Variants in SIL1 observed in about 807,000 individuals in gnomAD.
SIL1 encodes the protein nucleotide exchange factor SIL1.
A neutral mutation model predicts 49.1 loss-of-function variants in SIL1; 40 were observed. That is an observed-to-expected ratio of 0.81 (90% CI 0.63 to 1.06). The LOEUF (loss-of-function observed/expected upper bound fraction) is 1.06, where lower values mean the gene tolerates loss of function less well. Among genes scored for constraint, SIL1 ranks in the 50% least tolerant of loss-of-function variants. SIL1 has a pLI of 0.00. For missense variants in SIL1, 500 were observed against 572.6 expected, an observed-to-expected ratio of 0.87 and a Z score of 1.29; for synonymous variants, 253 against 250.8, an observed-to-expected ratio of 1.01 and a Z score of -0.08.
chr5:139,111,656 G>A (rs1248892210), intron 3 of SIL1, among the ~76,000 whole-genome samples: 1 of 152,206 alleles, frequency 6.6e-6, no homozygotes, highest in Non-Finnish European at 1.5e-5. Flanking sequence ...AAATGAACAA[G>A]TTTTTTGATA....
At chr5:139,002,543 T>C (rs749433206) in intron 7 of SIL1, among the ~76,000 whole-genome samples, 2 of 152,178 alleles carry the variant, frequency 1.3e-5, no homozygotes, top group African/African-American at 2.4e-5. Flanking sequence ...ATAAACATTT[T>C]AAACTTCCAT....
At chr5:139,131,272 A>C (rs554706726) in intron 1 of SIL1, among the ~76,000 whole-genome samples, 1 of 152,280 alleles carries the variant, frequency 6.6e-6, no homozygotes, top group African/African-American at 2.4e-5. Context: ...GCACCTCTGA[A>C]GAATGCGGTG....
intron 3 of SIL1, among the ~76,000 whole-genome samples, chr5:139,068,902 T>C (rs1045090615): frequency 6.6e-6 from 1 of 152,190 alleles, no homozygotes; most frequent in African/African-American, 2.4e-5. Flanking sequence ...TGTAACTTCC[T>C]GTTTCAAAAT....
At chr5:139,087,168 A>T (rs985749999) in intron 3 of SIL1, among the ~76,000 whole-genome samples, 13 of 151,384 alleles carry the variant, frequency 8.6e-5, no homozygotes, top group African/African-American at 2.9e-4. Flanking sequence ...CTCATACTCC[A>T]CTCTTCAGGC....
chr5:139,069,932 C>G (rs1769793429), intron 3 of SIL1, among the ~76,000 whole-genome samples: 1 of 152,056 alleles, frequency 6.6e-6, no homozygotes, highest in South Asian at 2.1e-4. Flanking sequence ...ACAAAGTTAA[C>G]ATACAAAAAC....
At chr5:139,038,247 T>C (rs976953998) in intron 5 of SIL1, among the ~76,000 whole-genome samples, 4 of 152,232 alleles carry the variant, frequency 2.6e-5, no homozygotes, top group Non-Finnish European at 5.9e-5. Context: ...TTGTCCTGGT[T>C]CTTGGTATGA....
At chr5:139,005,003 T>C (rs1561823948) in intron 7 of SIL1, among the ~76,000 whole-genome samples, 1 of 152,060 alleles carries the variant, frequency 6.6e-6, no homozygotes, top group Non-Finnish European at 1.5e-5. Flanking sequence ...TATTGAGATG[T>C]TGGTCAAAGG....
intron 3 of SIL1, among the ~76,000 whole-genome samples, chr5:139,089,319 C>T (rs1157898124): frequency 1.3e-5 from 2 of 152,194 alleles, no homozygotes; most frequent in Non-Finnish European, 2.9e-5. Flanking sequence ...TTCCCTTGAA[C>T]TTCTGACTCT....
chr5:139,048,383 T>TG (rs1168260137), intron 4 of SIL1, among the ~76,000 whole-genome samples: 2 of 144,730 alleles, frequency 1.4e-5, no homozygotes, highest in African/African-American at 5.1e-5. Flanking sequence ...TTTTTTTTTT[T>TG]TTTTTTTTTT....
At chr5:139,016,867 G>A (rs1459489327) in intron 7 of SIL1, 1 of 150,304 alleles carries the variant, frequency 6.7e-6, no homozygotes, top group Admixed American at 6.6e-5. Context: ...TTTCCCCCCT[G>A]ACAGGGCCTC....
chr5:138,992,756 T>A (rs1220631169), intron 7 of SIL1, among the ~76,000 whole-genome samples: 1 of 152,026 alleles, frequency 6.6e-6, no homozygotes, highest in African/African-American at 2.4e-5. Flanking sequence ...ACTACACACA[T>A]TGGGTATAGT....
chr5:139,061,831 T>C (rs566882472), intron 3 of SIL1, among the ~76,000 whole-genome samples: 2 of 152,250 alleles, frequency 1.3e-5, no homozygotes, highest in African/African-American at 4.8e-5. Flanking sequence ...CAGGAACCAA[T>C]TATTGGTGCC....
intron 3 of SIL1, among the ~76,000 whole-genome samples, chr5:139,060,964 A>ACAGGAGG (rs1193134604): frequency 1.3e-5 from 2 of 152,206 alleles, no homozygotes; most frequent in African/African-American, 4.8e-5. Context: ...TCAAATGCCC[A>ACAGGAGG]CAGGAGGCAG....
At chr5:139,081,937 G>T (rs964836188) in intron 3 of SIL1, among the ~76,000 whole-genome samples, 3 of 151,884 alleles carry the variant, frequency 2.0e-5, no homozygotes, top group African/African-American at 7.3e-5. Context: ...CATTCTCATT[G>T]CAGCCTAGTA....
chr5:138,985,380 C>T (rs1052383460), intron 7 of SIL1, among the ~76,000 whole-genome samples: 8 of 152,208 alleles, frequency 5.3e-5, no homozygotes, highest in African/African-American at 1.9e-4. Flanking sequence ...TTCAAGCCAC[C>T]TTCCTTCAGG....
At chr5:139,167,854 T>C (rs2151813503) in intron 1 of SIL1, among the ~76,000 whole-genome samples, 1 of 152,282 alleles carries the variant, frequency 6.6e-6, no homozygotes, top group African/African-American at 2.4e-5. Context: ...TTTTTATTTT[T>C]TCTCTTTTAA....
intron 3 of SIL1, among the ~76,000 whole-genome samples, chr5:139,061,256 G>C (rs369765298): frequency 3.3e-4 from 51 of 152,346 alleles, no homozygotes; most frequent in Middle Eastern, 3.4e-3. Flanking sequence ...TTGCTGTGGA[G>C]CCTGGCTGCC....
At chr5:139,108,820 G>A (rs1173812038) in intron 3 of SIL1, among the ~76,000 whole-genome samples, 1 of 152,018 alleles carries the variant, frequency 6.6e-6, no homozygotes, top group African/African-American at 2.4e-5. Flanking sequence ...GCAGGTAGAG[G>A]CAGCTAGGAA....
intron 2 of SIL1, among the ~76,000 whole-genome samples, chr5:139,123,018 T>C (rs1302095781): frequency 7.4e-6 from 1 of 134,630 alleles, no homozygotes; most frequent in Non-Finnish European, 1.7e-5. Flanking sequence ...AGCTCATAGT[T>C]AGATGAGGTA....
Sources: gnomAD v4.1 joint callset for allele counts (sites outside exome capture counted in the v4.1 genomes callset) on GRCh38, gnomAD v4.1.1 for gene constraint, MANE v1.5 for transcripts, NCBI Gene and HGNC (gene_info 2026-07-23, HGNC 2026-07-21) for gene names.